Variants in CALN1 observed in about 807,000 individuals in gnomAD.
CALN1 encodes the protein calcium-binding protein 8.
In CALN1, 17 loss-of-function variants were observed where a neutral mutation model predicts 30.6. That is an observed-to-expected ratio of 0.56 (90% CI 0.38 to 0.83). The LOEUF (loss-of-function observed/expected upper bound fraction) is 0.83. CALN1 is among the 40% of genes least tolerant of loss of function. CALN1 has a pLI of 0.00. For synonymous variants in CALN1, 156 were observed against 131.4 expected (o/e 1.19, Z -1.28); for missense variants, 291 against 354.9 (o/e 0.82, Z 1.45).
Position 72,403,269 on chromosome 7 carries a change from G to T in CALN1, c.101C>A (p.Ala34Asp). The change falls in exon 2 of 7, where the codon GCC becomes GAC. Residue 34 changes from alanine (A) to aspartate (D), a missense_variant. Ala to Asp is a moderately radical substitution (Grantham distance 126). Coordinates refer to ENST00000395275, the MANE Select transcript of CALN1 (RefSeq NM_031468.4). ...GACTTGCCAGGTGGGGAAGTCGGGG[G>T]CCTGGCTCCTCGGCGGCTCCTCTCC... ...GGGEEPPRSQAPDFPTWEKMP... is the reference protein window; with the variant it reads ...GGGEEPPRSQDPDFPTWEKMP... 3 of 1,549,822 alleles carry T rather than the reference G, an allele frequency of 1.9e-6. No individual in the cohort carries two copies. Among genetic ancestry groups the T allele is most frequent in the Non-Finnish European group, 2.6e-6 (3 of 1,146,786 alleles).
intron 3 of CALN1, among the ~76,000 whole-genome samples, chr7:72,142,491 A>G (rs1810022895): frequency 6.6e-6 from 1 of 152,192 alleles, no homozygotes. Flanking sequence ...AACTGGGTGG[A>G]TCCCACTGCA....
intron 4 of CALN1, among the ~76,000 whole-genome samples, chr7:72,078,851 G>A (rs569274900): frequency 2.0e-5 from 3 of 152,268 alleles, no homozygotes; most frequent in East Asian, 1.9e-4. Flanking sequence ...CAGGAGAATC[G>A]CCTGAACCTG....
At chr7:72,272,517 G>A (rs774893465) in intron 3 of CALN1, among the ~76,000 whole-genome samples, 6 of 152,026 alleles carry the variant, frequency 3.9e-5, no homozygotes, top group Non-Finnish European at 7.3e-5. Context: ...AGCCGAAATC[G>A]CACCACTGCA....
At chr7:72,124,273 A>G (rs375720368) in intron 3 of CALN1, among the ~76,000 whole-genome samples, 1 of 152,212 alleles carries the variant, frequency 6.6e-6, no homozygotes, top group Non-Finnish European at 1.5e-5. Flanking sequence ...CATAGACTAC[A>G]ATGAACAGTT....
intron 2 of CALN1, among the ~76,000 whole-genome samples, chr7:72,365,910 A>G (rs1466000621): frequency 7.9e-5 from 12 of 152,190 alleles, no homozygotes; most frequent in Non-Finnish European, 1.8e-4. Flanking sequence ...CATCATTTCA[A>G]GAAGGAAATT....
At chr7:72,196,321 G>A (rs1276188793) in intron 3 of CALN1, among the ~76,000 whole-genome samples, 1 of 152,094 alleles carries the variant, frequency 6.6e-6, no homozygotes, top group Admixed American at 6.6e-5. Flanking sequence ...GTTTCGCCAT[G>A]TTGCCCAGGC....
At chr7:72,148,661 T>C (rs1167758357) in intron 3 of CALN1, among the ~76,000 whole-genome samples, 1 of 151,980 alleles carries the variant, frequency 6.6e-6, no homozygotes, top group African/African-American at 2.4e-5. Context: ...TCCCAGCACT[T>C]TGGGAGGCTG....
chr7:72,042,891 G>A (rs997944844), intron 4 of CALN1, among the ~76,000 whole-genome samples: 1 of 152,060 alleles, frequency 6.6e-6, no homozygotes, highest in African/African-American at 2.4e-5. Flanking sequence ...ACCAGCTAAG[G>A]GCCAACCTTG....
At chr7:72,466,500 T>C in the CALN1 span, among the ~76,000 whole-genome samples, 8 of 152,180 alleles carry the variant, frequency 5.3e-5, no homozygotes, top group South Asian at 2.1e-4. Flanking sequence ...TCCCAGCACT[T>C]TGGGAGGCTG....
In CALN1 at chr7:72,126,857, A is replaced by G. The variant is rs1465131486; in HGVS notation, c.245-20563T>C. Among the ~76,000 whole-genome samples the G allele has an allele frequency of 2.0e-5, 3 of 152,096 alleles. No individual in the cohort carries two copies. The East Asian group carries it at 5.8e-4, about 29-fold the overall frequency. On this transcript the variant is annotated intron_variant, in intron 3 of 6. Coordinates refer to ENST00000395275, the MANE Select transcript of CALN1 (RefSeq NM_031468.4). ...AAAGACTATAATACATATTGGGTAC[A>G]ATGTACACTGCTTGGGTGACAGATG...
intron 5 of CALN1, among the ~76,000 whole-genome samples, chr7:71,968,897 T>A (rs77020804): frequency 6.7e-6 from 1 of 148,304 alleles, no homozygotes; most frequent in South Asian, 2.2e-4. Context: ...TTTTTTTTTT[T>A]AATTAGCCAG....
the CALN1 span, among the ~76,000 whole-genome samples, chr7:72,472,113 G>T: frequency 1.3e-5 from 2 of 152,184 alleles, no homozygotes; most frequent in South Asian, 2.1e-4. Flanking sequence ...TCCTGTGAAG[G>T]CCTGGTAAAC....
chr7:72,136,481 C>G (rs952319320), intron 3 of CALN1, among the ~76,000 whole-genome samples: 12 of 152,172 alleles, frequency 7.9e-5, no homozygotes, highest in Admixed American at 7.2e-4. Context: ...ATTTTCTATC[C>G]AGACCTCTAA....
At chr7:72,415,322 A>G (rs1469867933), upstream of CALN1, among the ~76,000 whole-genome samples, 1 of 152,148 alleles carries the variant, frequency 6.6e-6, no homozygotes, top group Non-Finnish European at 1.5e-5. Context: ...TTCTTATAAA[A>G]CGGGGCATGC....
intron 5 of CALN1, among the ~76,000 whole-genome samples, chr7:71,882,550 A>G (rs148439451): frequency 1.1e-3 from 164 of 152,298 alleles, no homozygotes; most frequent in African/African-American, 3.8e-3. Context: ...CTTTAGCCAC[A>G]CTAGCCATCT....
At chr7:72,202,625 G>A (rs1216125572) in intron 3 of CALN1, among the ~76,000 whole-genome samples, 4 of 152,180 alleles carry the variant, frequency 2.6e-5, no homozygotes, top group Non-Finnish European at 5.9e-5. Context: ...ACACAGTTGA[G>A]GGGAAGGGTT....
At chr7:71,910,438 T>C (rs1416770360) in intron 5 of CALN1, among the ~76,000 whole-genome samples, 1 of 152,202 alleles carries the variant, frequency 6.6e-6, no homozygotes, top group Non-Finnish European at 1.5e-5. Context: ...GAAATATTGG[T>C]GAACACCAGT....
chr7:72,227,786 G>A (rs549497659), intron 3 of CALN1, among the ~76,000 whole-genome samples: 2 of 151,584 alleles, frequency 1.3e-5, no homozygotes, highest in Admixed American at 1.3e-4. Flanking sequence ...GGAGGCGGGG[G>A]TTGCAGTGAG....
At position 72,333,197 on chromosome 7, in the gene CALN1, C is replaced by A. The variant is rs73702908; in HGVS notation, c.120-54387G>T. On this transcript the variant is annotated intron_variant, in intron 2 of 6. Transcript: ENST00000395275. ...CATCCTTTAAACTCAGCTCAGACAT[C>A]ACCTCCACCCTTGCCTAGCTACCAT... 4.7e-3 allele frequency among the ~76,000 whole-genome samples: 717 copies of A among 152,340 alleles called. 8 individuals are homozygous for A. The highest frequency in any genetic ancestry group is 0.017 in the African/African-American group (697 of 41,570).
Sources: allele counts gnomAD v4.1 joint callset (sites outside exome capture counted in the v4.1 genomes callset), GRCh38; gene constraint gnomAD v4.1.1; transcripts MANE v1.5; gene names NCBI Gene and HGNC (gene_info 2026-07-23, HGNC 2026-07-21).